The following MED15 variants were observed in gnomAD, a reference collection of about 807,000 sequenced individuals.
MED15 encodes the protein mediator complex subunit 15.
MED15 carries 41 observed loss-of-function variants against 118.7 expected under a neutral mutation model. The observed-to-expected ratio is 0.35, with a 90% confidence interval of 0.27 to 0.45. MED15 has a LOEUF of 0.45. MED15 is among the 20% of genes least tolerant of loss of function. The probability of loss-of-function intolerance (pLI) is 1.00; values close to 1 mark genes in which losing one functional copy is unlikely to be tolerated. For synonymous variants in MED15, 436 were observed against 413.9 expected (o/e 1.05, Z -0.65); for missense variants, 740 against 1,025.5 (o/e 0.72, Z 3.80).
chr22:20,580,791 G>A (rs971904642), intron 9 of MED15, among the ~76,000 whole-genome samples: 1 of 152,214 alleles, frequency 6.6e-6, no homozygotes, highest in Admixed American at 6.5e-5. Context: ...TGAATGCACA[G>A]GACTTTGGTG....
At chr22:20,517,126 C>T (rs2054282550) in intron 1 of MED15, among the ~76,000 whole-genome samples, 1 of 150,626 alleles carries the variant, frequency 6.6e-6, no homozygotes, top group African/African-American at 2.4e-5. Context: ...TTGGTAGAGA[C>T]CAGGTCTTGG....
intron 8 of MED15, chr22:20,573,931 C>G (rs549797114): frequency 6.6e-6 from 1 of 152,356 alleles, no homozygotes; most frequent in Non-Finnish European, 1.5e-5. Context: ...ATCTGTTGCT[C>G]TGGCTGCAGG....
In MED15 at chr22:20,535,319, A is replaced by G. The variant is rs150513074; in HGVS notation, c.69-1798A>G. Among the ~76,000 whole-genome samples the G allele has an allele frequency of 3.3e-3, 506 of 152,164 alleles. 1 individual carries two copies. Among genetic ancestry groups the G allele is most frequent in the Admixed American group, 6.3e-3 (96 of 15,280 alleles). ...AATGTCATTTTGTTTTTCTTTTTACATTAAGACAGATGTATGCACCTCTCA... is the reference window on the plus strand; with the variant it reads ...AATGTCATTTTGTTTTTCTTTTTACGTTAAGACAGATGTATGCACCTCTCA... On this transcript the variant is annotated intron_variant, in intron 1 of 17. Coordinates refer to ENST00000263205, the MANE Select transcript of MED15 (RefSeq NM_001003891.3).
intron 5 of MED15, among the ~76,000 whole-genome samples, chr22:20,561,927 G>C (rs1041560336): frequency 6.6e-6 from 1 of 152,168 alleles, no homozygotes; most frequent in Non-Finnish European, 1.5e-5. Flanking sequence ...GGAGGTCAAG[G>C]CTGCAGTGAG....
chr22:20,581,671 G>C (rs746174469), intron 9 of MED15, among the ~76,000 whole-genome samples: 91 of 152,164 alleles, frequency 6.0e-4, no homozygotes, highest in Non-Finnish European at 1.1e-3. Flanking sequence ...CTGGCAGGCA[G>C]CTGTTCTCCC....
intron 9 of MED15, among the ~76,000 whole-genome samples, chr22:20,579,497 C>T (rs6003243): frequency 0.022 from 3,285 of 151,500 alleles, 123 homozygotes; most frequent in African/African-American, 0.075. Flanking sequence ...CACTGAGTGC[C>T]GGAGCCAGGA....
chr22:20,587,432 C>A lies in MED15; in HGVS notation c.*728C>A. Reference sequence around the variant, plus strand: ...GCAAGGCCCTCAGGACCCGTGTCCTCAGAGCACCACACACTGAGCACCCAG... The same window carrying A: ...GCAAGGCCCTCAGGACCCGTGTCCTAAGAGCACCACACACTGAGCACCCAG... On this transcript the variant is annotated 3_prime_UTR_variant, in exon 18 of 18. Transcript: ENST00000263205. 5.5e-6 allele frequency: 1 copy of A among 180,302 alleles called. No homozygotes were observed. 11.2% of individuals were successfully genotyped at this position (180,302 alleles called of 1,614,324 possible). A position where few individuals can be genotyped will look rare whatever the true frequency, so the allele number is the denominator to read the frequency against.
At chr22:20,565,855 G>GT (rs1283690653) in intron 6 of MED15, among the ~76,000 whole-genome samples, 1 of 152,052 alleles carries the variant, frequency 6.6e-6, no homozygotes, top group Non-Finnish European at 1.5e-5. Context: ...AAGTTTCTAG[G>GT]TATGCCCTTT....
chr22:20,526,423 C>T lies in MED15; in HGVS notation c.69-10694C>T, dbSNP rs117141812. 2.4e-3 allele frequency among the ~76,000 whole-genome samples: 358 copies of T among 152,322 alleles called. 11 individuals carry two copies. In the East Asian group the frequency reaches 0.062, roughly 26 times the overall value. The stretch of plus-strand genomic sequence containing the variant: ...TTGCTCTGTAGCTCCCTTCCATCGC[C>T]ATTATCTCTGCTTCTCCTCCCTCAT... On this transcript the variant is annotated intron_variant, in intron 1 of 17. Coordinates refer to ENST00000263205, the MANE Select transcript of MED15 (RefSeq NM_001003891.3).
At chr22:20,526,881 ATATCC>A (rs2054664912) in intron 1 of MED15, among the ~76,000 whole-genome samples, 1 of 152,026 alleles carries the variant, frequency 6.6e-6, no homozygotes, top group Non-Finnish European at 1.5e-5. Flanking sequence ...CTTGTTTTCT[ATATCC>A]TGTGTCTCAT....
At chr22:20,557,530 C>G (rs2056065436) in intron 5 of MED15, among the ~76,000 whole-genome samples, 1 of 152,138 alleles carries the variant, frequency 6.6e-6, no homozygotes, top group African/African-American at 2.4e-5. Flanking sequence ...GAAGTGCCGG[C>G]TCAAGTTCCT....
At chr22:20,575,029 A>C in intron 8 of MED15, 84 bp from the exon 9 acceptor site, 1 of 1,571,720 alleles carries the variant, frequency 6.4e-7, no homozygotes, top group Non-Finnish European at 8.6e-7. Flanking sequence ...CTTCTTGCAG[A>C]GGCTACACGT....
At chr22:20,544,261 T>C (rs1161698522) in intron 2 of MED15, among the ~76,000 whole-genome samples, 3 of 152,234 alleles carry the variant, frequency 2.0e-5, no homozygotes, top group South Asian at 2.1e-4. Context: ...TCCTTTGTTA[T>C]TGAGTTACAA....
At chr22:20,580,476 AG>A (rs200362928) in intron 9 of MED15, among the ~76,000 whole-genome samples, 2,189 of 152,234 alleles carry the variant, frequency 0.014, 45 homozygotes, top group Middle Eastern at 0.058. Flanking sequence ...AGAGGCAGTC[AG>A]GTAGAGGCAA....
intron 1 of MED15, among the ~76,000 whole-genome samples, chr22:20,526,596 C>A (rs2054654250): frequency 6.6e-6 from 1 of 152,196 alleles, no homozygotes; most frequent in African/African-American, 2.4e-5. Context: ...CAACACTATG[C>A]CCAGTTTTCT....
chr22:20,551,737 G>A (rs1366048822), intron 3 of MED15: 4 of 549,728 alleles, frequency 7.3e-6, no homozygotes, highest in Non-Finnish European at 1.3e-5. Flanking sequence ...GTCTAAACGG[G>A]TTGCTGCTTC....
At chr22:20,571,999 G>A (rs1466603366) in intron 8 of MED15, among the ~76,000 whole-genome samples, 1 of 152,154 alleles carries the variant, frequency 6.6e-6, no homozygotes, top group African/African-American at 2.4e-5. Flanking sequence ...AGAAAGCCCT[G>A]GTCGGCACGA....
At position 20,585,654 on chromosome 22, in the gene MED15, G is replaced by A. The variant is rs536335145; in HGVS notation, c.2132-74G>A. 757 of 1,415,040 alleles carry A rather than the reference G, an allele frequency of 5.3e-4. 3 individuals carry two copies. Among genetic ancestry groups the A allele is most frequent in the Middle Eastern group, 2.8e-3 (16 of 5,672 alleles). 87.7% of individuals were successfully genotyped at this position (1,415,040 alleles called of 1,614,324 possible). On this transcript the variant is annotated intron_variant, in intron 16 of 17. Transcript: ENST00000263205. ...AGAACCTCCCTGGGTGTGGAGTCCT[G>A]TTCCAGAGCAGGGCTGTGAGGCAGG...
chr22:20,547,888 G>A (rs2055614589), intron 2 of MED15, among the ~76,000 whole-genome samples: 1 of 151,958 alleles, frequency 6.6e-6, no homozygotes, highest in African/African-American at 2.4e-5. Flanking sequence ...AGTCCCAGCT[G>A]CTCAGGAGGC....
Sources: allele counts gnomAD v4.1 joint callset (sites outside exome capture counted in the v4.1 genomes callset), GRCh38; gene constraint gnomAD v4.1.1; transcripts MANE v1.5; gene names NCBI Gene and HGNC (gene_info 2026-07-23, HGNC 2026-07-21).